ZNF33B: variants seen among roughly 807,000 people sequenced by gnomAD.
ZNF33B encodes the protein zinc finger protein 33B.
Under a neutral mutation model 45.8 loss-of-function variants are expected in ZNF33B, and 29 were observed. The ratio of observed to expected loss-of-function variants is 0.63; its 90% CI spans 0.47 to 0.86. The LOEUF (loss-of-function observed/expected upper bound fraction) is 0.86. Ranked by LOEUF, ZNF33B falls within the 40% of genes least tolerant of loss-of-function variation. The probability of loss-of-function intolerance (pLI) is 0.00; values close to 1 mark genes in which losing one functional copy is unlikely to be tolerated. For missense variants in ZNF33B, 831 were observed against 909.9 expected (o/e 0.91, Z 1.12); for synonymous variants, 305 against 307.8 (o/e 0.99, Z 0.10).
chr10:42,594,625 T>C lies in ZNF33B; in HGVS notation c.325A>G (p.Ile109Val). 1 of 1,610,348 alleles carries C rather than the reference T, an allele frequency of 6.2e-7. No individual in the cohort carries two copies. The highest frequency in any genetic ancestry group is 1.7e-5 in the Admixed American group (1 of 59,362). ...QSKHLWEVVF[I>V]NNEMLTKEQG... is the part of the protein sequence containing the mutation. The stretch of plus-strand genomic sequence containing the variant: ...TCCTTAGTCAGCATTTCATTATTGA[T>C]GAATACAACTTCCCACAAATGTTTA... The change falls in exon 5 of 5, where the codon ATC becomes GTC. Residue 109 changes from isoleucine (I) to valine (V), a missense_variant. By Grantham distance (29) the Ile-to-Val change is conservative. Transcript: ENST00000359467.
chr10:42,598,840 A>G (rs1837503677), intron 4 of ZNF33B, among the ~76,000 whole-genome samples: 1 of 152,216 alleles, frequency 6.6e-6, no homozygotes, highest in East Asian at 1.9e-4. Flanking sequence ...ACACTGGTCT[A>G]CAGCTTTCTT....
At position 42,592,809 on chromosome 10, in the gene ZNF33B, G is replaced by A. The variant is rs146309324; in HGVS notation, c.2141C>T (p.Ala714Val). The A allele has an allele frequency of 8.2e-4, 1,319 of 1,614,104 alleles. 8 individuals carry two copies. The Middle Eastern group carries it at 0.017, about 21-fold the overall frequency. ...HKSSLTVHHRAHTGEKSCQCN... is the reference protein window; with the variant it reads ...HKSSLTVHHRVHTGEKSCQCN... Reference sequence around the variant, plus strand: ...CTGACAAGATTTCTCTCCTGTGTGAGCCCTGTGATGTACTGTGAGTGATGA... The same window carrying A: ...CTGACAAGATTTCTCTCCTGTGTGAACCCTGTGATGTACTGTGAGTGATGA... Residue 714 changes from alanine to valine, a missense_variant, in exon 5 of 5, where the codon GCT becomes GTT. Ala to Val is a moderately conservative substitution (Grantham distance 64). Coordinates refer to ENST00000359467, the MANE Select transcript of ZNF33B (RefSeq NM_006955.3).
Position 42,593,792 on chromosome 10 carries a change from T to C in ZNF33B, c.1158A>G (p.Glu386=). ...TAAAGGCTTTCCCACATTCATTGCA[T>C]TCAAAAGGTTTCTCCCCTGTGTGTG... ...QRSHTGEKPF[E]CNECGKAFSH... The change falls in exon 5 of 5, where the codon GAA becomes GAG. Residue 386 remains glutamate (E), a synonymous_variant. Transcript: ENST00000359467. The C allele has an allele frequency of 6.2e-7, 1 of 1,614,018 alleles. No individual in the cohort carries two copies. Among genetic ancestry groups the C allele is most frequent in the East Asian group, 2.2e-5 (1 of 44,862 alleles).
At chr10:42,616,329 T>TA (rs1315104641) in intron 4 of ZNF33B, among the ~76,000 whole-genome samples, 2 of 152,194 alleles carry the variant, frequency 1.3e-5, no homozygotes, top group Non-Finnish European at 2.9e-5. Context: ...AAGAGTACAG[T>TA]ATGTGAATTA....
At chr10:42,577,058 G>C (rs183518940) in intron 1 of ZNF33B, among the ~76,000 whole-genome samples, 1 of 150,918 alleles carries the variant, frequency 6.6e-6, no homozygotes, top group Non-Finnish European at 1.5e-5. Context: ...GCTTGAACCC[G>C]GGAGGTGGTG....
chr10:42,628,759 G>T (rs552786133), intron 4 of ZNF33B, among the ~76,000 whole-genome samples: 3 of 151,972 alleles, frequency 2.0e-5, no homozygotes, highest in Non-Finnish European at 4.4e-5. Context: ...GAACGCCACC[G>T]ATCATACACA....
rs772239294 is a variant in ZNF33B, at chr10:42,593,487, T to C, written c.1463A>G (p.Gln488Arg). 1.9e-6 allele frequency: 3 copies of C among 1,614,128 alleles called. No homozygotes were observed. The highest frequency in any genetic ancestry group is 2.5e-6 in the Non-Finnish European group (3 of 1,179,996). ...AGGTTTATCTCCTATGTGAGTTCTCTGATGCTGTGTAAGATGTGACTTTTG... is the reference window on the plus strand; with the variant it reads ...AGGTTTATCTCCTATGTGAGTTCTCCGATGCTGTGTAAGATGTGACTTTTG... ...FCQKSHLTQH[Q>R]RTHIGDKPYE... The change falls in exon 5 of 5, where the codon CAG becomes CGG. Residue 488 changes from glutamine (Q) to arginine (R), a missense_variant. By Grantham distance (43) the Gln-to-Arg change is conservative (BLOSUM62 1). Transcript: ENST00000359467.
In ZNF33B at chr10:42,592,843, T is replaced by C; in HGVS notation, c.2107A>G (p.Ser703Gly). The C allele has an allele frequency of 1.2e-6, 2 of 1,614,164 alleles. No homozygotes were observed. The highest frequency in any genetic ancestry group is 8.5e-7 in the Non-Finnish European group (1 of 1,180,006). The change falls in exon 5 of 5, where the codon AGT becomes GGT. Residue 703 changes from serine to glycine, a missense_variant. Transcript: ENST00000359467. The stretch of plus-strand genomic sequence containing the variant: ...TGTACTGTGAGTGATGATTTGTGAC[T>C]GAAGGATTTCCCACATTCATTGCAT... Reference protein sequence around the residue: ...YECNECGKSFSHKSSLTVHHR... With the variant: ...YECNECGKSFGHKSSLTVHHR...
chr10:42,575,734 A>AT (rs1308584648), intron 1 of ZNF33B, among the ~76,000 whole-genome samples: 8,762 of 146,534 alleles, frequency 0.06, 334 homozygotes, highest in Admixed American at 0.12. Flanking sequence ...ATATACATAT[A>AT]TATTTTTTTT....
rs78513043 is a variant in ZNF33B at position 42,608,822 on chromosome 10, A to G, written c.251-14123T>C. 1.7e-3 allele frequency among the ~76,000 whole-genome samples: 260 copies of G among 152,102 alleles called. 8 individuals carry two copies. The East Asian group carries it at 0.039, about 23-fold the overall frequency. On this transcript the variant is annotated intron_variant, in intron 4 of 4. Transcript: ENST00000359467. Reference sequence around the variant, plus strand: ...AATTAGTGAACTAGAGAACAGAAAAATAGCAGATTCCTGGAAAAGATCAAC... The same window carrying G: ...AATTAGTGAACTAGAGAACAGAAAAGTAGCAGATTCCTGGAAAAGATCAAC...
rs1321587056 is a variant in ZNF33B at position 42,591,956 on chromosome 10, A to G, written c.*657T>C. ...CACACACACACACATACACGTACACACACAGAGTGCACGCAAACCATAGCA... is the reference window on the plus strand; with the variant it reads ...CACACACACACACATACACGTACACGCACAGAGTGCACGCAAACCATAGCA... On this transcript the variant is annotated 3_prime_UTR_variant, in exon 5 of 5. Coordinates refer to ENST00000359467, the MANE Select transcript of ZNF33B (RefSeq NM_006955.3). 2.0e-5 allele frequency: 3 copies of G among 152,706 alleles called. No homozygotes were observed. The highest frequency in any genetic ancestry group is 4.4e-5 in the Non-Finnish European group (3 of 68,304). 9.5% of individuals were successfully genotyped at this position (152,706 alleles called of 1,614,324 possible).
intron 4 of ZNF33B, among the ~76,000 whole-genome samples, chr10:42,616,516 A>G (rs1300455495): frequency 2.0e-5 from 3 of 152,156 alleles, no homozygotes; most frequent in Non-Finnish European, 4.4e-5. Flanking sequence ...TCGTCTGCAC[A>G]CAAAATGAAA....
exon 2 of ZNF33B, chr10:42,574,598 T>C (rs932990575): frequency 2.6e-5 from 4 of 152,070 alleles, no homozygotes; most frequent in African/African-American, 7.3e-5. Context: ...TTCTCTGAGA[T>C]GGAGGACAAG....
At chr10:42,588,729 A>G (rs553912262), downstream of ZNF33B, among the ~76,000 whole-genome samples, 1 of 152,250 alleles carries the variant, frequency 6.6e-6, no homozygotes, top group Admixed American at 6.5e-5. Context: ...TACAGTGACC[A>G]CTGTTTGCTG....
At chr10:42,608,648 A>G (rs1434314720) in intron 4 of ZNF33B, among the ~76,000 whole-genome samples, 1 of 152,122 alleles carries the variant, frequency 6.6e-6, no homozygotes, top group Non-Finnish European at 1.5e-5. Context: ...AGCAATGCTT[A>G]GAGAGAGATT....
chr10:42,588,039 G>A (rs760562539), downstream of ZNF33B, among the ~76,000 whole-genome samples: 34 of 152,096 alleles, frequency 2.2e-4, no homozygotes, highest in Non-Finnish European at 4.4e-4. Context: ...ACCCAGGGGT[G>A]TGCAATAACA....
intron 2 of ZNF33B, among the ~76,000 whole-genome samples, chr10:42,635,869 G>A (rs1448417854): frequency 1.0e-4 from 15 of 142,920 alleles, no homozygotes; most frequent in Non-Finnish European, 1.7e-4. Flanking sequence ...AGTGGCTCAC[G>A]CCTGTAATCC....
intron 1 of ZNF33B, among the ~76,000 whole-genome samples, chr10:42,575,523 C>T (rs1164304412): frequency 6.6e-6 from 1 of 151,990 alleles, no homozygotes; most frequent in East Asian, 1.9e-4. Flanking sequence ...AGCTAATACA[C>T]TAAGACAAAT....
At chr10:42,588,200 C>T (rs1162695506), downstream of ZNF33B, among the ~76,000 whole-genome samples, 1 of 152,212 alleles carries the variant, frequency 6.6e-6, no homozygotes, top group East Asian at 1.9e-4. Context: ...ACCTGCCAAA[C>T]AGGCTGAGCC....
Sources: gnomAD v4.1 joint callset for allele counts (sites outside exome capture counted in the v4.1 genomes callset) on GRCh38, gnomAD v4.1.1 for gene constraint, MANE v1.5 for transcripts, NCBI Gene and HGNC (gene_info 2026-07-23, HGNC 2026-07-21) for gene names.